The following ECM2 variants were observed in gnomAD, a reference collection of about 807,000 sequenced individuals.
ECM2 encodes the protein extracellular matrix protein 2, female organ and adipocyte specific.
A neutral mutation model predicts 67.5 loss-of-function variants in ECM2; 57 were observed. That is an observed-to-expected ratio of 0.84 (90% CI 0.68 to 1.05). The LOEUF (loss-of-function observed/expected upper bound fraction) is 1.05. Ranked by LOEUF, ECM2 falls within the 50% of genes least tolerant of loss-of-function variation. ECM2 has a pLI of 0.00. For missense variants in ECM2, 741 were observed against 822.8 expected (o/e 0.90, Z 1.22); for synonymous variants, 258 against 294.5 (o/e 0.88, Z 1.27).
chr9:92,533,307 A>C (rs77949176), intron 1 of ECM2, among the ~76,000 whole-genome samples: 1,521 of 47,508 alleles, frequency 0.032, 18 homozygotes, highest in Non-Finnish European at 0.044. Flanking sequence ...CTCAAACAAA[A>C]AAAAAAAAAA....
chr9:92,536,135 C>T (rs1219917039), upstream of ECM2: 3 of 396,884 alleles, frequency 7.6e-6, no homozygotes, highest in Non-Finnish European at 9.5e-6. Context: ...GAAAATCAGC[C>T]AAGAAAGTAA....
intron 1 of ECM2, among the ~76,000 whole-genome samples, chr9:92,524,817 G>T (rs1468086679): frequency 1.3e-5 from 2 of 152,196 alleles, no homozygotes; most frequent in African/African-American, 4.8e-5. Flanking sequence ...GCTCAGTGAT[G>T]AAATTTATTT....
the ECM2 span, among the ~76,000 whole-genome samples, chr9:92,547,967 AAG>A: frequency 2.0e-5 from 3 of 152,218 alleles, no homozygotes; most frequent in South Asian, 6.2e-4. Context: ...TATGGGAAAA[AAG>A]AAGTAAAGGA....
intron 2 of ECM2, among the ~76,000 whole-genome samples, chr9:92,519,032 C>T (rs1409514867): frequency 6.6e-6 from 1 of 152,164 alleles, no homozygotes; most frequent in African/African-American, 2.4e-5. Context: ...TGTTTTTCTT[C>T]CAACCCTGGT....
chr9:92,550,127 G>A, the ECM2 span, among the ~76,000 whole-genome samples: 4 of 152,226 alleles, frequency 2.6e-5, no homozygotes, highest in Non-Finnish European at 4.4e-5. Flanking sequence ...GCCGGGCGTG[G>A]TGGCTCACGC....
chr9:92,532,061 A>G (rs927867), intron 1 of ECM2, among the ~76,000 whole-genome samples: 4,176 of 101,612 alleles, frequency 0.041, 94 homozygotes, highest in Middle Eastern at 0.13. Context: ...AGGTCTCACT[A>G]TGTTGCCTGG....
At position 92,500,788 on chromosome 9, in the gene ECM2, G is replaced by A. The variant is rs150249574; in HGVS notation, c.1870C>T (p.Pro624Ser). ...FLDHNDLKSI[P>S]PGIQEMKALH... ...GCTTTCATTTCTTGTATCCCAGGTG[G>A]TATAGATTTTAAGTCATTGTGATCC... The change falls in exon 9 of 10, where the codon CCA becomes TCA. Residue 624 changes from proline (P) to serine (S), a missense_variant. Pro to Ser is a moderately conservative substitution (Grantham distance 74, BLOSUM62 -1). Transcript: ENST00000344604. 8.0e-5 allele frequency: 129 copies of A among 1,614,162 alleles called. 2 individuals are homozygous for A. Among genetic ancestry groups the A allele is most frequent in the Non-Finnish European group, 1.3e-5 (15 of 1,180,030 alleles).
chr9:92,537,415 C>A (rs1849209102), upstream of ECM2, among the ~76,000 whole-genome samples: 1 of 152,076 alleles, frequency 6.6e-6, no homozygotes, highest in East Asian at 1.9e-4. Context: ...AATCCCAGCA[C>A]TTTGGGAGGC....
intron 2 of ECM2, among the ~76,000 whole-genome samples, chr9:92,518,607 A>G (rs972539977): frequency 6.6e-6 from 1 of 152,184 alleles, no homozygotes; most frequent in African/African-American, 2.4e-5. Flanking sequence ...TTTGAAGTGT[A>G]TAATACTGTC....
chr9:92,527,726 T>G (rs1253196373), intron 1 of ECM2, among the ~76,000 whole-genome samples: 1 of 151,990 alleles, frequency 6.6e-6, no homozygotes, highest in Non-Finnish European at 1.5e-5. Flanking sequence ...CAGTGCTAAG[T>G]CTTGGCAAAT....
the ECM2 span, among the ~76,000 whole-genome samples, chr9:92,543,471 CAAAAAAAAAAAAA>C: frequency 2.5e-4 from 11 of 44,538 alleles, no homozygotes; most frequent in African/African-American, 3.8e-4. Context: ...AACCCTGTCT[CAAAAAAAAAAAAA>C]AAAAAAAAAA....
At chr9:92,542,656 A>G in the ECM2 span, among the ~76,000 whole-genome samples, 14 of 152,126 alleles carry the variant, frequency 9.2e-5, no homozygotes, top group African/African-American at 3.4e-4. Flanking sequence ...AGCTGGGACT[A>G]CAGGCATGCA....
At chr9:92,523,901 T>C (rs751039253) in intron 1 of ECM2, among the ~76,000 whole-genome samples, 4 of 152,212 alleles carry the variant, frequency 2.6e-5, no homozygotes, top group African/African-American at 4.8e-5. Context: ...CCACAACTTA[T>C]TGTCCCATAT....
chr9:92,517,994 G>T, intron 2 of ECM2, 119 bp from the exon 3 acceptor site: 1 of 1,169,888 alleles, frequency 8.5e-7, no homozygotes, highest in Non-Finnish European at 1.2e-6. Flanking sequence ...AATTCTATGT[G>T]CATTCATGTA....
intron 3 of ECM2, among the ~76,000 whole-genome samples, chr9:92,516,431 AC>A (rs1262506014): frequency 6.6e-6 from 1 of 152,108 alleles, no homozygotes; most frequent in East Asian, 1.9e-4. Flanking sequence ...TTTATTTAAC[AC>A]TATATATAAA....
In ECM2 at chr9:92,496,050, A is replaced by G; in HGVS notation, c.*265T>C. The G allele has an allele frequency of 9.4e-7, 1 of 1,058,682 alleles. No individual in the cohort carries two copies. The highest frequency in any genetic ancestry group is 1.1e-6 in the Non-Finnish European group (1 of 879,508). The allele number at this position is 1,058,682 out of a possible 1,614,324, so 65.6% of individuals were successfully genotyped here. A position where few individuals can be genotyped will look rare whatever the true frequency, so the allele number is the denominator to read the frequency against. On this transcript the variant is annotated 3_prime_UTR_variant, in exon 10 of 10. Coordinates refer to ENST00000344604, the MANE Select transcript of ECM2 (RefSeq NM_001393.4). Reference sequence around the variant, plus strand: ...GTTCCAGACTCTTCTGGTCTAGCTCAGTATGCATAATATCCTATTCTAGTG... The same window carrying G: ...GTTCCAGACTCTTCTGGTCTAGCTCGGTATGCATAATATCCTATTCTAGTG...
chr9:92,521,590 T>C (rs1240904978), intron 2 of ECM2, among the ~76,000 whole-genome samples: 1 of 152,206 alleles, frequency 6.6e-6, no homozygotes, highest in Non-Finnish European at 1.5e-5. Context: ...TTTGAAAGTT[T>C]TATTTAGTGG....
chr9:92,510,855 T>G (rs1847290075), intron 5 of ECM2, among the ~76,000 whole-genome samples: 1 of 152,190 alleles, frequency 6.6e-6, no homozygotes, highest in Non-Finnish European at 1.5e-5. Context: ...GAAGGATGGA[T>G]AGCATGAAGT....
At chr9:92,545,569 G>A in the ECM2 span, among the ~76,000 whole-genome samples, 2 of 152,118 alleles carry the variant, frequency 1.3e-5, no homozygotes, top group Non-Finnish European at 2.9e-5. Context: ...CCTCCCCGAC[G>A]AGCTCTGCCC....
Sources: allele counts gnomAD v4.1 joint callset (sites outside exome capture counted in the v4.1 genomes callset), GRCh38; gene constraint gnomAD v4.1.1; transcripts MANE v1.5; gene names NCBI Gene and HGNC (gene_info 2026-07-23, HGNC 2026-07-21).